The following CDH8 variants were observed in gnomAD, a reference collection of about 807,000 sequenced individuals.
The protein encoded by CDH8 is cadherin-8.
A neutral mutation model predicts 68.1 loss-of-function variants in CDH8; 17 were observed. The observed-to-expected ratio is 0.25, with a 90% confidence interval of 0.17 to 0.37. CDH8 has a LOEUF of 0.37. CDH8 is among the 10% of genes least tolerant of loss of function. CDH8 has a pLI of 1.00. For missense variants in CDH8, 763 were observed against 999.3 expected, an observed-to-expected ratio of 0.76 and a Z score of 3.19; for synonymous variants, 372 against 365.1, an observed-to-expected ratio of 1.02 and a Z score of -0.21.
intron 2 of CDH8, among the ~76,000 whole-genome samples, chr16:61,987,746 TAAA>T (rs61546952): frequency 6.9e-6 from 1 of 144,374 alleles, no homozygotes; most frequent in Non-Finnish European, 1.5e-5. Flanking sequence ...TTTAGATTGG[TAAA>T]AAAAAAAACC....
In CDH8 at chr16:61,821,255, T is replaced by C. The variant is rs539553560; in HGVS notation, c.836-142A>G. ...TAAAGTGATAGAAAAGACAGAAATA[T>C]CCGTTTCCCTTCTGGAATGTTCAGT... On this transcript the variant is annotated intron_variant, in intron 5 of 11. Coordinates refer to ENST00000577390, the MANE Select transcript of CDH8 (RefSeq NM_001796.5). 5.5e-5 allele frequency: 31 copies of C among 567,778 alleles called. 1 individual carries two copies. The South Asian group carries it at 9.8e-4, about 18-fold the overall frequency. 35.2% of individuals were successfully genotyped at this position (567,778 alleles called of 1,614,324 possible).
chr16:61,836,150 T>C (rs565806264), intron 4 of CDH8, among the ~76,000 whole-genome samples: 7 of 152,096 alleles, frequency 4.6e-5, no homozygotes, highest in African/African-American at 1.4e-4. Context: ...CAATCAGACA[T>C]AGTATATCTG....
intron 3 of CDH8, among the ~76,000 whole-genome samples, chr16:61,897,269 T>A (rs909037557): frequency 1.3e-5 from 2 of 152,028 alleles, no homozygotes; most frequent in African/African-American, 4.8e-5. Context: ...ATTTTTTTTT[T>A]TGAGACGGAG....
intron 2 of CDH8, among the ~76,000 whole-genome samples, chr16:61,902,294 G>A (rs1963988432): frequency 1.3e-5 from 2 of 152,058 alleles, no homozygotes; most frequent in African/African-American, 4.8e-5. Context: ...CAAATAGTCT[G>A]CCTAAAACAT....
chr16:61,657,230 T>C (rs972492293), intron 10 of CDH8, among the ~76,000 whole-genome samples: 13 of 152,104 alleles, frequency 8.5e-5, no homozygotes, highest in African/African-American at 3.1e-4. Context: ...TGACTTCAAA[T>C]AAGTTTTGGA....
chr16:61,676,435 T>G lies in CDH8; in HGVS notation c.1655-20714A>C, dbSNP rs1297367066. Among the ~76,000 whole-genome samples, 3 of 152,124 alleles carry G rather than the reference T, an allele frequency of 2.0e-5. No individual in the cohort carries two copies. In the East Asian group the frequency reaches 5.8e-4, roughly 30 times the overall value. ...TAAAAATGATATTAACATTACTTAG[T>G]GGTGCTTCTGATAGGAACACAAGTT... On this transcript the variant is annotated intron_variant, in intron 10 of 11. Coordinates refer to ENST00000577390, the MANE Select transcript of CDH8 (RefSeq NM_001796.5).
intron 10 of CDH8, among the ~76,000 whole-genome samples, chr16:61,678,398 A>G (rs891052731): frequency 6.6e-6 from 1 of 152,034 alleles, no homozygotes; most frequent in Non-Finnish European, 1.5e-5. Context: ...TGAAACTGCA[A>G]CTTCCTCTCA....
chr16:61,726,859 T>C, intron 9 of CDH8: 1 of 510,824 alleles, frequency 2.0e-6, no homozygotes, highest in South Asian at 3.4e-5. Flanking sequence ...GATTTGGCTC[T>C]GGGTTTGTGG....
chr16:61,795,063 C>T (rs191129450), intron 7 of CDH8, among the ~76,000 whole-genome samples: 1 of 151,958 alleles, frequency 6.6e-6, no homozygotes, highest in Non-Finnish European at 1.5e-5. Flanking sequence ...AATTCCTCCC[C>T]TCTCTTCCTA....
At chr16:61,807,329 G>C (rs540035789) in intron 7 of CDH8, among the ~76,000 whole-genome samples, 2 of 113,576 alleles carry the variant, frequency 1.8e-5, no homozygotes, top group African/African-American at 6.7e-5. Context: ...TGGTGGGGTG[G>C]GGGGAGGGGG....
At chr16:61,892,383 G>A (rs988381364) in intron 3 of CDH8, among the ~76,000 whole-genome samples, 2 of 152,066 alleles carry the variant, frequency 1.3e-5, no homozygotes, top group East Asian at 3.9e-4. Context: ...ATTTCCAAAA[G>A]AGCATACAAT....
intron 2 of CDH8, among the ~76,000 whole-genome samples, chr16:61,968,584 T>C (rs1965291180): frequency 6.6e-6 from 1 of 152,240 alleles, no homozygotes; most frequent in Admixed American, 6.5e-5. Flanking sequence ...TAGCTTTTAG[T>C]ATAAAAACTA....
intron 8 of CDH8, among the ~76,000 whole-genome samples, chr16:61,778,956 T>C (rs1960967796): frequency 6.6e-6 from 1 of 152,182 alleles, no homozygotes; most frequent in African/African-American, 2.4e-5. Flanking sequence ...GTGTTTTCCC[T>C]GGGAGATTTA....
intron 8 of CDH8, among the ~76,000 whole-genome samples, chr16:61,747,916 A>G (rs1360396750): frequency 2.0e-5 from 3 of 152,070 alleles, no homozygotes; most frequent in African/African-American, 7.2e-5. Flanking sequence ...AGGGCTTTGA[A>G]CACAGTTATT....
At chr16:61,990,785 C>T (rs1489194824) in intron 2 of CDH8, among the ~76,000 whole-genome samples, 1 of 146,272 alleles carries the variant, frequency 6.8e-6, no homozygotes, top group Non-Finnish European at 1.5e-5. Context: ...GATCATGCCC[C>T]TGTACTCCAG....
intron 2 of CDH8, among the ~76,000 whole-genome samples, chr16:62,013,647 A>G (rs1476133655): frequency 6.6e-6 from 1 of 152,130 alleles, no homozygotes; most frequent in East Asian, 1.9e-4. Flanking sequence ...CTCTTATGTT[A>G]TAAATCTTAA....
chr16:61,797,569 A>C (rs1961527530), intron 7 of CDH8, among the ~76,000 whole-genome samples: 1 of 152,140 alleles, frequency 6.6e-6, no homozygotes. Context: ...CATCTAAAAA[A>C]TGAGAACAAC....
At chr16:61,798,063 G>T (rs1463693424) in intron 7 of CDH8, among the ~76,000 whole-genome samples, 1 of 152,014 alleles carries the variant, frequency 6.6e-6, no homozygotes, top group Non-Finnish European at 1.5e-5. Flanking sequence ...CCCACATTCA[G>T]TTTGACTCAT....
chr16:61,812,000 C>T (rs989710169), intron 7 of CDH8, among the ~76,000 whole-genome samples: 30 of 152,170 alleles, frequency 2.0e-4, no homozygotes, highest in African/African-American at 7.2e-4. Flanking sequence ...GTTAATAATA[C>T]TATATTGTGC....
Sources: gnomAD v4.1 joint callset for allele counts (sites outside exome capture counted in the v4.1 genomes callset) on GRCh38, gnomAD v4.1.1 for gene constraint, MANE v1.5 for transcripts, NCBI Gene and HGNC (gene_info 2026-07-23, HGNC 2026-07-21) for gene names.